TNPO2: variants seen among roughly 807,000 people sequenced by gnomAD.
TNPO2 encodes the protein transportin-2.
Under a neutral mutation model 111.1 loss-of-function variants are expected in TNPO2, and 16 were observed. The ratio of observed to expected loss-of-function variants is 0.14; its 90% CI spans 0.10 to 0.22. TNPO2 has a LOEUF of 0.22. Ranked by LOEUF, TNPO2 falls within the 10% of genes least tolerant of loss-of-function variation. The probability of loss-of-function intolerance (pLI) is 1.00; values close to 1 mark genes in which losing one functional copy is unlikely to be tolerated. For synonymous variants in TNPO2, 481 were observed against 475.8 expected (o/e 1.01, Z -0.14); for missense variants, 530 against 1,173.7 (o/e 0.45, Z 8.01).
chr19:12,701,399 C>G lies in TNPO2; in HGVS notation c.2641G>C (p.Glu881Gln). ...VGEDNWQQFS[E>Q]QFPPLLKERL... Reference sequence around the variant, plus strand: ...TCCTTGAGCAGCGGCGGGAATTGCTCAGAGAACTGCTGCCAGTTATCTTCC... The same window carrying G: ...TCCTTGAGCAGCGGCGGGAATTGCTGAGAGAACTGCTGCCAGTTATCTTCC... The change falls in exon 25 of 26, where the codon GAG (glutamate) becomes CAG (glutamine). Residue 881 changes from glutamate (E) to glutamine (Q), a missense_variant. Coordinates refer to ENST00000425528, the MANE Select transcript of TNPO2 (RefSeq NM_001382241.1). This position sits in a 1 kb window ranked among gnomAD's most constrained non-coding sequence, Gnocchi z 5.0. The G allele has an allele frequency of 6.2e-7, 1 of 1,613,964 alleles. No individual in the cohort carries two copies. Among genetic ancestry groups the G allele is most frequent in the Non-Finnish European group, 8.5e-7 (1 of 1,179,882 alleles).
Position 12,715,079 on chromosome 19 carries a change from T to C in TNPO2, c.739A>G (p.Arg247Gly). 1 of 1,576,626 alleles carries C rather than the reference T, an allele frequency of 6.3e-7. No homozygotes were observed. Among genetic ancestry groups the C allele is most frequent in the East Asian group, 2.2e-5 (1 of 44,538 alleles). The change falls in exon 9 of 26, where the codon AGG becomes GGG. Residue 247 changes from arginine to glycine, a missense_variant. Physicochemically the swap from Arg to Gly is moderately radical, Grantham distance 125 (BLOSUM62 -2). Coordinates refer to ENST00000425528, the MANE Select transcript of TNPO2 (RefSeq NM_001382241.1). This position sits in a 1 kb window ranked among gnomAD's most constrained non-coding sequence, Gnocchi z 7.1. ...LVMLLEVRID[R>G]LIPHMHSIIQ... is the part of the protein sequence containing the mutation. ...ATGCTGTGCATGTGGGGGATGAGCCTGTCAATCCGCACTTCCAGAAGCATC... is the reference window on the plus strand; with the variant it reads ...ATGCTGTGCATGTGGGGGATGAGCCCGTCAATCCGCACTTCCAGAAGCATC...
rs769397810 is a variant in TNPO2 at position 12,721,443 on chromosome 19, G to A, written c.-13-453C>T. On this transcript the variant is annotated intron_variant, in intron 2 of 25. Coordinates refer to ENST00000425528, the MANE Select transcript of TNPO2 (RefSeq NM_001382241.1). The surrounding 1 kb of genome is among the most constrained non-coding windows in gnomAD (Gnocchi z 4.9). ...CTTCTATGCAGGCACAGTCCCTGAAGAGTCCCCTTCCCCCGACACTCTGCC... is the reference window on the plus strand; with the variant it reads ...CTTCTATGCAGGCACAGTCCCTGAAAAGTCCCCTTCCCCCGACACTCTGCC... 2.3e-5 allele frequency: 12 copies of A among 526,212 alleles called. No homozygotes were observed. The highest frequency in any genetic ancestry group is 1.9e-4 in the South Asian group (12 of 64,826). The allele number at this position is 526,212 out of a possible 1,614,324, so 32.6% of individuals were successfully genotyped here. A position where few individuals can be genotyped will look rare whatever the true frequency, so the allele number is the denominator to read the frequency against.
Position 12,702,311 on chromosome 19 carries a change from C to T in TNPO2, c.2306-134G>A, listed in dbSNP as rs116668794. 4,070 of 720,766 alleles carry T rather than the reference C, an allele frequency of 5.6e-3. 108 individuals are homozygous for T. In the African/African-American group the frequency reaches 0.061, roughly 11 times the overall value. 44.6% of individuals were successfully genotyped at this position (720,766 alleles called of 1,614,324 possible). ...CCCCAAGCTTGGCCCAGCCAGGGGTCCTCCTCATCACACCTGAGTCACTTC... is the reference window on the plus strand; with the variant it reads ...CCCCAAGCTTGGCCCAGCCAGGGGTTCTCCTCATCACACCTGAGTCACTTC... On this transcript the variant is annotated intron_variant, in intron 21 of 25. Transcript: ENST00000425528. This position sits in a 1 kb window ranked among gnomAD's most constrained non-coding sequence, Gnocchi z 5.5.
Position 12,706,868 on chromosome 19 carries a change from C to G in TNPO2, c.1271-73G>C. On this transcript the variant is annotated intron_variant, in intron 13 of 25. Transcript: ENST00000425528. The surrounding 1 kb of genome is among the most constrained non-coding windows in gnomAD (Gnocchi z 7.0). ...ACACCCACCGTATGGAGAGAAGAGTCAGCCGCACACAACATATAGGGAAAC... is the reference window on the plus strand; with the variant it reads ...ACACCCACCGTATGGAGAGAAGAGTGAGCCGCACACAACATATAGGGAAAC... 8.1e-7 allele frequency: 1 copy of G among 1,241,772 alleles called. No homozygotes were observed. The highest frequency in any genetic ancestry group is 1.1e-6 in the Non-Finnish European group (1 of 871,850). 76.9% of individuals were successfully genotyped at this position (1,241,772 alleles called of 1,614,324 possible). A position where few individuals can be genotyped will look rare whatever the true frequency, so the allele number is the denominator to read the frequency against.
At position 12,721,161 on chromosome 19, in the gene TNPO2, T is replaced by C; in HGVS notation, c.-13-171A>G. On this transcript the variant is annotated intron_variant, in intron 2 of 25. Transcript: ENST00000425528. The surrounding 1 kb of genome is among the most constrained non-coding windows in gnomAD (Gnocchi z 4.9). ...TGCGGGGTCCCCGCCAGCTGCGCCA[T>C]CCTCGGCCGCGCAGTCGCGGGCTCG... is the stretch of plus-strand genomic sequence containing the variant. The C allele has an allele frequency of 7.1e-7, 1 of 1,412,570 alleles. No homozygotes were observed. The highest frequency in any genetic ancestry group is 3.0e-5 in the Admixed American group (1 of 33,230). The allele number at this position is 1,412,570 out of a possible 1,614,324, so 87.5% of individuals were successfully genotyped here.
chr19:12,702,946 C>A lies in TNPO2; in HGVS notation c.2210-28G>T, dbSNP rs1414019735. 2.5e-6 allele frequency: 4 copies of A among 1,607,644 alleles called. No individual in the cohort carries two copies. Among genetic ancestry groups the A allele is most frequent in the Non-Finnish European group, 3.4e-6 (4 of 1,174,766 alleles). On this transcript the variant is annotated intron_variant, in intron 20 of 25. Transcript: ENST00000425528. This position sits in a 1 kb window ranked among gnomAD's most constrained non-coding sequence, Gnocchi z 5.5. Reference sequence around the variant, plus strand: ...GGGGGAGCACCCAGTCAGAGCCCTGCACAGCCCCCGCCACCCACAGGGGCC... The same window carrying A: ...GGGGGAGCACCCAGTCAGAGCCCTGAACAGCCCCCGCCACCCACAGGGGCC...
chr19:12,705,858 G>C lies in TNPO2; in HGVS notation c.1669-90C>G, dbSNP rs574181878. ...GTTGCCCGAGTGATGAGGCCTGAGC[G>C]CCTCACCGTGGCTCATGGGACCCTG... On this transcript the variant is annotated intron_variant, in intron 15 of 25. Coordinates refer to ENST00000425528, the MANE Select transcript of TNPO2 (RefSeq NM_001382241.1). The surrounding 1 kb of genome is among the most constrained non-coding windows in gnomAD (Gnocchi z 7.2). 71 of 974,594 alleles carry C rather than the reference G, an allele frequency of 7.3e-5. No homozygotes were observed. In the African/African-American group the frequency reaches 8.7e-4, roughly 12 times the overall value. 60.4% of individuals were successfully genotyped at this position (974,594 alleles called of 1,614,324 possible). A position where few individuals can be genotyped will look rare whatever the true frequency, so the allele number is the denominator to read the frequency against.
At position 12,702,612 on chromosome 19, in the gene TNPO2, C is replaced by T. The variant is rs1301611648; in HGVS notation, c.2305+211G>A. ...CGAACTCCTGACTTCAGGTGATCTG[C>T]CTCCCAAAGTGCTGAGATTACAGGC... On this transcript the variant is annotated intron_variant, in intron 21 of 25. Transcript: ENST00000425528. This position sits in a 1 kb window ranked among gnomAD's most constrained non-coding sequence, Gnocchi z 5.5. Among the ~76,000 whole-genome samples the T allele has an allele frequency of 1.3e-5, 2 of 152,142 alleles. No individual in the cohort carries two copies. Among genetic ancestry groups the T allele is most frequent in the African/African-American group, 2.4e-5 (1 of 41,430 alleles).
Position 12,706,372 on chromosome 19 carries a change from TGGGA to T in TNPO2, c.1497-9_1497-6del, listed in dbSNP as rs2025663484. ...TCCTCCAGGGTGGCAAAAGCACTGG[TGGGA>T]GGGAGGATGAAGCGGGGGCTCAGTG... On this transcript the variant is annotated splice_region_variant and splice_polypyrimidine_tract_variant and intron_variant, in intron 14 of 25. Transcript: ENST00000425528. This position sits in a 1 kb window ranked among gnomAD's most constrained non-coding sequence, Gnocchi z 7.0. The T allele has an allele frequency of 6.2e-7, 1 of 1,613,362 alleles. No homozygotes were observed. Among genetic ancestry groups the T allele is most frequent in the Non-Finnish European group, 8.5e-7 (1 of 1,179,818 alleles).
At position 12,702,225 on chromosome 19, in the gene TNPO2, A is replaced by AC; in HGVS notation, c.2306-49dup. 1 of 1,521,266 alleles carries AC rather than the reference A, an allele frequency of 6.6e-7. No individual in the cohort carries two copies. The highest frequency in any genetic ancestry group is 9.0e-7 in the Non-Finnish European group (1 of 1,109,826). The allele number at this position is 1,521,266 out of a possible 1,614,324, so 94.2% of individuals were successfully genotyped here. On this transcript the variant is annotated intron_variant, in intron 21 of 25. Transcript: ENST00000425528. This position sits in a 1 kb window ranked among gnomAD's most constrained non-coding sequence, Gnocchi z 5.5. ...GACGGTACGTGGCGGGGCCTCTGGC[A>AC]CAAGGCACCAAGCCCCGCCCCATGA...
Position 12,706,877 on chromosome 19 carries a change from A to G in TNPO2, c.1271-82T>C, listed in dbSNP as rs1007185627. ...GTATGGAGAGAAGAGTCAGCCGCAC[A>G]CAACATATAGGGAAACTGAGGCTTA... On this transcript the variant is annotated intron_variant, in intron 13 of 25. Coordinates refer to ENST00000425528, the MANE Select transcript of TNPO2 (RefSeq NM_001382241.1). This position sits in a 1 kb window ranked among gnomAD's most constrained non-coding sequence, Gnocchi z 7.0. 4 of 1,172,642 alleles carry G rather than the reference A, an allele frequency of 3.4e-6. No homozygotes were observed. The highest frequency in any genetic ancestry group is 3.7e-6 in the Non-Finnish European group (3 of 812,058). The allele number at this position is 1,172,642 out of a possible 1,614,324, so 72.6% of individuals were successfully genotyped here. A position where few individuals can be genotyped will look rare whatever the true frequency, so the allele number is the denominator to read the frequency against.
rs2145493260 is a variant in TNPO2, at chr19:12,706,321, A to G, written c.1543T>C (p.Tyr515His). The part of the protein sequence containing the change: ...EEEACTELVP[Y>H]LSYILDTLVF... ...AGGGTGTCCAGGATGTAGCTGAGGT[A>G]GGGCACCAGCTCCGTGCAGGCCTCT... Residue 515 changes from tyrosine to histidine, a missense_variant, in exon 15 of 26, where the codon TAC (tyrosine) becomes CAC (histidine). Coordinates refer to ENST00000425528, the MANE Select transcript of TNPO2 (RefSeq NM_001382241.1). This position sits in a 1 kb window ranked among gnomAD's most constrained non-coding sequence, Gnocchi z 7.0. 1.2e-6 allele frequency: 2 copies of G among 1,614,010 alleles called. No individual in the cohort carries two copies. The highest frequency in any genetic ancestry group is 1.7e-6 in the Non-Finnish European group (2 of 1,179,906).
chr19:12,699,312 C>T lies in TNPO2; in HGVS notation c.*1952G>A, dbSNP rs1050308332. On this transcript the variant is annotated 3_prime_UTR_variant, in exon 26 of 26. Transcript: ENST00000425528. ...TAACAAATGGACAGACCCGGGAGCCCGCAGGGGGAAGAGGGTGAGGAGGGA... is the reference window on the plus strand; with the variant it reads ...TAACAAATGGACAGACCCGGGAGCCTGCAGGGGGAAGAGGGTGAGGAGGGA... 1.0e-4 allele frequency: 43 copies of T among 430,534 alleles called. No homozygotes were observed. The highest frequency in any genetic ancestry group is 1.7e-4 in the Non-Finnish European group (37 of 214,234). The allele number at this position is 430,534 out of a possible 1,614,324, so 26.7% of individuals were successfully genotyped here. A position where few individuals can be genotyped will look rare whatever the true frequency, so the allele number is the denominator to read the frequency against.
intron 13 of TNPO2, among the ~76,000 whole-genome samples, chr19:12,707,886 T>C (rs2145510529): frequency 6.6e-6 from 1 of 152,162 alleles, no homozygotes; most frequent in African/African-American, 2.4e-5. Context: ...AGTTGCACAA[T>C]CTTGGCTCAC....
In TNPO2 at chr19:12,706,553, C is replaced by T. The variant is rs1016135318; in HGVS notation, c.1496+17G>A. ...CGGGGGAGAGTGGGGGCTGTGGGAT[C>T]AGGGGTCCAGGGTCACCTGCAGGCC... On this transcript the variant is annotated intron_variant, in intron 14 of 25. Transcript: ENST00000425528. The surrounding 1 kb of genome is among the most constrained non-coding windows in gnomAD (Gnocchi z 7.0). The T allele has an allele frequency of 6.3e-5, 102 of 1,613,188 alleles. No individual in the cohort carries two copies. Among genetic ancestry groups the T allele is most frequent in the Non-Finnish European group, 7.9e-5 (93 of 1,179,476 alleles).
At chr19:12,704,827 C>T (rs59675052) in intron 18 of TNPO2, among the ~76,000 whole-genome samples, 5,874 of 151,990 alleles carry the variant, frequency 0.039, 386 homozygotes, top group African/African-American at 0.14. Flanking sequence ...GGATTACAGG[C>T]GCCTACCACC....
Position 12,704,883 on chromosome 19 carries a change from G to A in TNPO2, c.2022+357C>T, listed in dbSNP as rs539407068. ...TTTTTCGTAGAGACAGGATTTCACC[G>A]TGTTGGCCAAGCTGCTCTCAAACTC... is the stretch of plus-strand genomic sequence containing the variant. On this transcript the variant is annotated intron_variant, in intron 18 of 25. Coordinates refer to ENST00000425528, the MANE Select transcript of TNPO2 (RefSeq NM_001382241.1). Among the ~76,000 whole-genome samples the A allele has an allele frequency of 1.7e-3, 261 of 152,102 alleles. 1 individual carries two copies. The highest frequency in any genetic ancestry group is 5.8e-3 in the African/African-American group (241 of 41,492).
intron 2 of TNPO2, chr19:12,722,315 C>T (rs1413664451): frequency 6.6e-6 from 1 of 151,390 alleles, no homozygotes; most frequent in Non-Finnish European, 1.5e-5. Flanking sequence ...CCCGCCCGGC[C>T]CGTTCTAGCT....
At chr19:12,707,727 G>A (rs1262204814) in intron 13 of TNPO2, among the ~76,000 whole-genome samples, 1 of 151,868 alleles carries the variant, frequency 6.6e-6, no homozygotes, top group Non-Finnish European at 1.5e-5. Context: ...GACCTCACGT[G>A]ATCCCACCTC....
Sources: allele counts gnomAD v4.1 joint callset (sites outside exome capture counted in the v4.1 genomes callset), GRCh38; gene constraint gnomAD v4.1.1; non-coding constraint Gnocchi (gnomAD v3.1); transcripts MANE v1.5; gene names NCBI Gene and HGNC (gene_info 2026-07-23, HGNC 2026-07-21).